Variants in MLLT3 observed in about 807,000 individuals in gnomAD.
MLLT3 encodes protein AF-9.
A neutral mutation model predicts 53.2 loss-of-function variants in MLLT3; 4 were observed. The observed-to-expected ratio is 0.08, with a 90% CI of 0.04 to 0.17. MLLT3 has a LOEUF of 0.17. Ranked by LOEUF, MLLT3 falls within the 10% of genes least tolerant of loss-of-function variation. The probability of loss-of-function intolerance (pLI) is 1.00; values close to 1 mark genes in which losing one functional copy is unlikely to be tolerated. For synonymous variants in MLLT3, 283 were observed against 230.6 expected, an observed-to-expected ratio of 1.23 and a Z score of -2.06; for missense variants, 569 against 684.0, an observed-to-expected ratio of 0.83 and a Z score of 1.87.
intron 2 of MLLT3, among the ~76,000 whole-genome samples, chr9:20,514,170 G>A (rs897151605): frequency 2.6e-5 from 4 of 152,154 alleles, no homozygotes; most frequent in Admixed American, 6.5e-5. Context: ...GAAGTGTAGG[G>A]GTGTACATTT....
intron 2 of MLLT3, among the ~76,000 whole-genome samples, chr9:20,463,993 G>A (rs959998839): frequency 6.6e-6 from 1 of 151,588 alleles, no homozygotes; most frequent in African/African-American, 2.4e-5. Flanking sequence ...TCTTCTTGGT[G>A]GCTTTTTAAA....
chr9:20,391,605 T>C lies in MLLT3; in HGVS notation c.1125+22116A>G, dbSNP rs1291567001. ...ATCCATCTATTTATTTACTGAATAT[T>C]TTCATGAGAAAATATGCCAGCCTAT... On this transcript the variant is annotated intron_variant, in intron 5 of 10. Transcript: ENST00000380338. 2.6e-5 allele frequency among the ~76,000 whole-genome samples: 4 copies of C among 152,214 alleles called. No homozygotes were observed. In the South Asian group the frequency reaches 6.2e-4, roughly 24 times the overall value.
At chr9:20,447,148 G>A (rs1020212573) in intron 4 of MLLT3, among the ~76,000 whole-genome samples, 1 of 151,992 alleles carries the variant, frequency 6.6e-6, no homozygotes, top group African/African-American at 2.4e-5. Flanking sequence ...TCTCAAAGTG[G>A]TTGTTCATGT....
At chr9:20,365,450 G>A (rs2118649602) in intron 6 of MLLT3, among the ~76,000 whole-genome samples, 1 of 152,238 alleles carries the variant, frequency 6.6e-6, no homozygotes, top group Admixed American at 6.5e-5. Context: ...GGATTCTCCT[G>A]TCTCAGCCCC....
chr9:20,516,676 G>A (rs535200846), intron 2 of MLLT3, among the ~76,000 whole-genome samples: 8 of 152,260 alleles, frequency 5.3e-5, no homozygotes, highest in Non-Finnish European at 1.2e-4. Context: ...AACCAAAAAA[G>A]AATCTGAGCC....
chr9:20,465,950 G>A (rs917713204), intron 2 of MLLT3, among the ~76,000 whole-genome samples: 1 of 152,028 alleles, frequency 6.6e-6, no homozygotes, highest in Non-Finnish European at 1.5e-5. Flanking sequence ...AAGAAACCAG[G>A]GAAAATCCAG....
At chr9:20,352,241 C>A (rs1257354322) in intron 10 of MLLT3, among the ~76,000 whole-genome samples, 1 of 152,214 alleles carries the variant, frequency 6.6e-6, no homozygotes, top group African/African-American at 2.4e-5. Context: ...TCCCACCCTC[C>A]TATGAGACTC....
At chr9:20,405,542 T>C (rs1822557105) in intron 5 of MLLT3, among the ~76,000 whole-genome samples, 1 of 152,236 alleles carries the variant, frequency 6.6e-6, no homozygotes, top group Admixed American at 6.5e-5. Flanking sequence ...GAATTCTTGC[T>C]CTGTCACTTC....
intron 2 of MLLT3, among the ~76,000 whole-genome samples, chr9:20,493,607 C>T (rs1825007507): frequency 6.6e-6 from 1 of 151,980 alleles, no homozygotes; most frequent in African/African-American, 2.4e-5. Flanking sequence ...AAAGAATCCA[C>T]TTAAATATCC....
At chr9:20,378,915 T>C (rs1465631160) in intron 5 of MLLT3, among the ~76,000 whole-genome samples, 3 of 152,082 alleles carry the variant, frequency 2.0e-5, no homozygotes, top group African/African-American at 7.2e-5. Context: ...GAATCACATA[T>C]TCCTGATTAG....
chr9:20,482,320 T>A (rs1010431732), intron 2 of MLLT3, among the ~76,000 whole-genome samples: 1 of 152,226 alleles, frequency 6.6e-6, no homozygotes, highest in Non-Finnish European at 1.5e-5. Context: ...AACCTGATGT[T>A]AGCCAGTTAT....
intron 2 of MLLT3, among the ~76,000 whole-genome samples, chr9:20,565,629 T>C (rs1020020285): frequency 4.6e-5 from 7 of 151,930 alleles, no homozygotes; most frequent in African/African-American, 1.7e-4. Flanking sequence ...CCAGGTTCAC[T>C]GAAAACCTAA....
chr9:20,390,190 T>C (rs1366819363), intron 5 of MLLT3, among the ~76,000 whole-genome samples: 1 of 152,138 alleles, frequency 6.6e-6, no homozygotes, highest in Admixed American at 6.6e-5. Flanking sequence ...GGACATAAAT[T>C]AGAAAAATAT....
At chr9:20,363,858 A>C (rs1478243095) in intron 6 of MLLT3, among the ~76,000 whole-genome samples, 1 of 152,126 alleles carries the variant, frequency 6.6e-6, no homozygotes, top group African/African-American at 2.4e-5. Context: ...TTTTCTGTGT[A>C]TTTTTCTTCC....
At chr9:20,446,786 C>A (rs1010483644) in intron 4 of MLLT3, among the ~76,000 whole-genome samples, 3 of 152,130 alleles carry the variant, frequency 2.0e-5, no homozygotes, top group African/African-American at 7.2e-5. Context: ...TTCCAAACAA[C>A]TTCTTTAATA....
chr9:20,486,144 T>G (rs1284580666), intron 2 of MLLT3, among the ~76,000 whole-genome samples: 2 of 152,180 alleles, frequency 1.3e-5, no homozygotes, highest in African/African-American at 4.8e-5. Context: ...TCTATTCTTT[T>G]AGCACTATTC....
intron 8 of MLLT3, among the ~76,000 whole-genome samples, chr9:20,359,968 C>T (rs537835176): frequency 6.6e-6 from 1 of 152,186 alleles, no homozygotes; most frequent in East Asian, 1.9e-4. Context: ...GAAAATATCC[C>T]GATTTAATTT....
intron 2 of MLLT3, among the ~76,000 whole-genome samples, chr9:20,481,296 A>C (rs1030618988): frequency 5.9e-5 from 9 of 152,180 alleles, no homozygotes; most frequent in Admixed American, 5.9e-4. Context: ...TTTTGGCCAA[A>C]TCCTGATTTA....
chr9:20,468,800 A>T (rs899868299), intron 2 of MLLT3, among the ~76,000 whole-genome samples: 1 of 152,248 alleles, frequency 6.6e-6, no homozygotes, highest in African/African-American at 2.4e-5. Flanking sequence ...CTCTAACTTG[A>T]AAGCAAATGC....
Sources: gnomAD v4.1 joint callset for allele counts (sites outside exome capture counted in the v4.1 genomes callset) on GRCh38, gnomAD v4.1.1 for gene constraint, MANE v1.5 for transcripts, NCBI Gene and HGNC (gene_info 2026-07-23, HGNC 2026-07-21) for gene names.